The following DPH6 variants were observed in gnomAD, a reference collection of about 807,000 sequenced individuals.
DPH6 encodes diphthine--ammonia ligase.
A neutral mutation model predicts 38.2 loss-of-function variants in DPH6; 33 were observed. The ratio of observed to expected loss-of-function variants is 0.86; its 90% CI spans 0.65 to 1.15. The LOEUF (loss-of-function observed/expected upper bound fraction) is 1.15, where lower values mean the gene tolerates loss of function less well. DPH6 is among the 50% of genes most tolerant of loss of function. The pLI is 0.00. For missense variants in DPH6, 325 were observed against 320.0 expected, an observed-to-expected ratio of 1.02 and a Z score of -0.12; for synonymous variants, 108 against 103.0, an observed-to-expected ratio of 1.05 and a Z score of -0.30.
rs537276094 is a variant in DPH6 at position 35,349,222 on chromosome 15, C to T, written n.208-18145G>A. Among the ~76,000 whole-genome samples the T allele has an allele frequency of 2.2e-4, 33 of 152,200 alleles. 1 individual carries two copies. In the South Asian group the frequency reaches 6.9e-3, roughly 32 times the overall value. On this transcript the variant is annotated intron_variant and non_coding_transcript_variant, in intron 3 of 3. Transcript: ENST00000558973. ...GAAGTGGTGAGAGAGGGCATCCTTC[C>T]CTTGTTACCAATCTTAAGAGGAAAA...
chr15:35,459,775 T>A (rs868791320), intron 3 of DPH6, among the ~76,000 whole-genome samples: 1 of 152,090 alleles, frequency 6.6e-6, no homozygotes, highest in South Asian at 2.1e-4. Context: ...ATAATCAGGA[T>A]AAAGTAACTG....
intron 5 of DPH6, among the ~76,000 whole-genome samples, chr15:35,450,212 AT>A (rs1323562208): frequency 6.6e-5 from 10 of 152,194 alleles, no homozygotes; most frequent in African/African-American, 2.4e-4. Context: ...TACCCTATTT[AT>A]TTTTTATAAC....
At chr15:35,491,771 ATATG>A (rs1250939063) in intron 3 of DPH6, among the ~76,000 whole-genome samples, 1 of 150,684 alleles carries the variant, frequency 6.6e-6, no homozygotes, top group African/African-American at 2.4e-5. Flanking sequence ...ACATATAAAT[ATATG>A]TATAGACATA....
rs543661249 is a variant in DPH6 at position 35,437,385 on chromosome 15, GTATGCTCCAAA to G, written c.505+13289_505+13299del. ...CCCCTACAGGACAGTCCTCTTGGAT[GTATGCTCCAAA>G]CTGGGAGAAGTTAATTTCCCAAACC... On this transcript the variant is annotated intron_variant, in intron 5 of 8. Transcript: ENST00000256538. Among the ~76,000 whole-genome samples, 747 of 152,272 alleles carry G rather than the reference GTATGCTCCAAA, an allele frequency of 4.9e-3. 7 individuals are homozygous for G. Among genetic ancestry groups the G allele is most frequent in the African/African-American group, 0.017 (704 of 41,552 alleles).
At chr15:35,516,883 T>G (rs1160911534) in intron 3 of DPH6, among the ~76,000 whole-genome samples, 1 of 152,102 alleles carries the variant, frequency 6.6e-6, no homozygotes, top group African/African-American at 2.4e-5. Context: ...CACCTTTATT[T>G]GTAAGCAGTA....
chr15:35,339,015 C>T (rs929797423), intron 3 of DPH6, among the ~76,000 whole-genome samples: 1 of 151,754 alleles, frequency 6.6e-6, no homozygotes, highest in Non-Finnish European at 1.5e-5. Flanking sequence ...GGGAACATCA[C>T]ACACTGGGGC....
intron 6 of DPH6, among the ~76,000 whole-genome samples, chr15:35,384,039 T>C (rs2052908279): frequency 6.6e-6 from 1 of 152,226 alleles, no homozygotes; most frequent in Non-Finnish European, 1.5e-5. Context: ...ACCTTTCTAT[T>C]TACCTTTCTA....
intron 3 of DPH6, 50 bp downstream of exon 3, chr15:35,538,224 T>C (rs766712647): frequency 7.4e-7 from 1 of 1,346,008 alleles, no homozygotes; most frequent in Admixed American, 2.6e-5. Flanking sequence ...AAATGTAATT[T>C]GTTAAATTAC....
At chr15:35,425,810 C>CATATATATAT (rs71741742) in intron 5 of DPH6, among the ~76,000 whole-genome samples, 16 of 142,032 alleles carry the variant, frequency 1.1e-4, no homozygotes, top group African/African-American at 2.8e-4. Context: ...TATGACATGA[C>CATATATATAT]ATATATATAT....
intron 6 of DPH6, among the ~76,000 whole-genome samples, chr15:35,384,260 GA>G (rs149419203): frequency 0.031 from 4,709 of 152,100 alleles, 246 homozygotes; most frequent in African/African-American, 0.11. Flanking sequence ...ACAGATTTTT[GA>G]AAAGTTTAAT....
chr15:35,545,907 G>A (rs1275313962), intron 1 of DPH6, among the ~76,000 whole-genome samples: 2 of 152,194 alleles, frequency 1.3e-5, no homozygotes. Context: ...AGACCAGAGA[G>A]CGACAGACAG....
intron 1 of DPH6, among the ~76,000 whole-genome samples, chr15:35,543,085 A>C (rs999837588): frequency 8.2e-5 from 12 of 146,836 alleles, no homozygotes; most frequent in Non-Finnish European, 1.3e-4. Flanking sequence ...CAGCAATTAA[A>C]GGATCAAATT....
intron 3 of DPH6, among the ~76,000 whole-genome samples, chr15:35,280,812 T>C (rs1023515881): frequency 2.4e-4 from 37 of 152,298 alleles, no homozygotes; most frequent in African/African-American, 8.2e-4. Flanking sequence ...TAACAAAGAA[T>C]CAGTTTTCAA....
intron 3 of DPH6, among the ~76,000 whole-genome samples, chr15:35,250,372 C>T (rs535443210): frequency 1.1e-4 from 17 of 152,022 alleles, no homozygotes; most frequent in South Asian, 2.1e-4. Flanking sequence ...ATGTCCCTGC[C>T]ACAACGTGTG....
At chr15:35,471,038 T>G (rs934696877) in intron 3 of DPH6, among the ~76,000 whole-genome samples, 3 of 152,282 alleles carry the variant, frequency 2.0e-5, no homozygotes, top group Admixed American at 6.5e-5. Flanking sequence ...TAACAAAATC[T>G]TGTACAAATT....
At chr15:35,296,589 A>G (rs2052016810) in intron 3 of DPH6, among the ~76,000 whole-genome samples, 1 of 151,842 alleles carries the variant, frequency 6.6e-6, no homozygotes, top group Non-Finnish European at 1.5e-5. Flanking sequence ...GCTACACCCA[A>G]CTCTCCAGCT....
Position 35,546,129 on chromosome 15 carries a change from C to A in DPH6, c.13G>T (p.Ala5Ser), listed in dbSNP as rs1485407671. Residue 5 changes from alanine to serine, a missense_variant, in exon 1 of 9, where the codon GCT (alanine) becomes TCT (serine). Ala to Ser is a moderately conservative substitution (Grantham distance 99). Transcript: ENST00000256538. Reference sequence around the variant, plus strand: ...CCAGGACCGCATTACCTGATCAGAGCCGCGACCCTCATGCTGGGCGCAGTG... The same window carrying A: ...CCAGGACCGCATTACCTGATCAGAGACGCGACCCTCATGCTGGGCGCAGTG... Reference protein sequence around the residue: MRVAALISGGKDSCY... With the variant: MRVASLISGGKDSCY... The A allele has an allele frequency of 9.2e-6, 13 of 1,405,746 alleles. No individual in the cohort carries two copies. The highest frequency in any genetic ancestry group is 4.4e-5 in the African/African-American group (3 of 67,834). 87.1% of individuals were successfully genotyped at this position (1,405,746 alleles called of 1,614,324 possible).
chr15:35,335,122 G>A (rs935840684), intron 3 of DPH6, among the ~76,000 whole-genome samples: 1 of 152,140 alleles, frequency 6.6e-6, no homozygotes, highest in Admixed American at 6.5e-5. Flanking sequence ...GTATTTCACT[G>A]TGGTTTTGAT....
intron 3 of DPH6, among the ~76,000 whole-genome samples, chr15:35,333,279 G>A (rs1186038892): frequency 6.6e-6 from 1 of 152,158 alleles, no homozygotes; most frequent in African/African-American, 2.4e-5. Context: ...ACACAGCAAT[G>A]ATACGAATAC....
Sources: allele counts gnomAD v4.1 joint callset (sites outside exome capture counted in the v4.1 genomes callset), GRCh38; gene constraint gnomAD v4.1.1; transcripts MANE v1.5; gene names NCBI Gene and HGNC (gene_info 2026-07-23, HGNC 2026-07-21).